The following RBM26 variants were observed in gnomAD, a reference collection of about 807,000 sequenced individuals.
RBM26 encodes the protein RNA binding motif protein 26.
Under a neutral mutation model 123.6 loss-of-function variants are expected in RBM26, and 30 were observed. The ratio of observed to expected loss-of-function variants is 0.24; its 90% CI spans 0.18 to 0.33. The LOEUF is 0.33. RBM26 is among the 10% of genes least tolerant of loss of function. RBM26 has a pLI of 1.00. For missense variants in RBM26, 947 were observed against 1,203.6 expected (o/e 0.79, Z 3.15); for synonymous variants, 400 against 404.4 (o/e 0.99, Z 0.13).
At chr13:79,363,249 C>T (rs1406103124) in intron 9 of RBM26, among the ~76,000 whole-genome samples, 2 of 151,926 alleles carry the variant, frequency 1.3e-5, no homozygotes, top group African/African-American at 4.8e-5. Flanking sequence ...AAGTCTATGA[C>T]AAATTTAAAT....
At position 79,371,406 on chromosome 13, in the gene RBM26, T is replaced by TA. The variant is rs777031998; in HGVS notation, c.417-245dup. Among the ~76,000 whole-genome samples, 3 of 152,198 alleles carry TA rather than the reference T, an allele frequency of 2.0e-5. No individual in the cohort carries two copies. The East Asian group carries it at 5.8e-4, about 29-fold the overall frequency. On this transcript the variant is annotated intron_variant, in intron 4 of 21. Transcript: ENST00000438737. ...AACTATACAATTAGGCATCTGTAGA[T>TA]AAAGGCATCTGTATATAAGACTTAG...
chr13:79,391,922 C>T (rs1353646338), intron 1 of RBM26, among the ~76,000 whole-genome samples: 4 of 146,180 alleles, frequency 2.7e-5, no homozygotes, highest in African/African-American at 1.0e-4. Flanking sequence ...ATATATAATA[C>T]GTAACACTAT....
At chr13:79,392,460 G>A (rs979608144) in intron 1 of RBM26, among the ~76,000 whole-genome samples, 3 of 145,142 alleles carry the variant, frequency 2.1e-5, no homozygotes, top group Non-Finnish European at 4.5e-5. Context: ...TAAGTATTAT[G>A]TACTATATAT....
intron 3 of RBM26, among the ~76,000 whole-genome samples, chr13:79,375,076 TG>T (rs1344952199): frequency 1.3e-4 from 13 of 102,000 alleles, no homozygotes; most frequent in African/African-American, 3.0e-4. Flanking sequence ...TATATTTATA[TG>T]ATATATATAA....
At chr13:79,404,572 G>A (rs1319149503) in intron 1 of RBM26, among the ~76,000 whole-genome samples, 1 of 152,100 alleles carries the variant, frequency 6.6e-6, no homozygotes, top group African/African-American at 2.4e-5. Context: ...CTCATCACAA[G>A]GCTCTTTCCA....
intron 1 of RBM26, among the ~76,000 whole-genome samples, chr13:79,388,301 G>A (rs2077656684): frequency 6.6e-6 from 1 of 152,182 alleles, no homozygotes; most frequent in African/African-American, 2.4e-5. Context: ...TCACCATGGT[G>A]GCCAGGCTGG....
At chr13:79,370,411 T>C (rs2075761688) in intron 5 of RBM26, among the ~76,000 whole-genome samples, 1 of 152,214 alleles carries the variant, frequency 6.6e-6, no homozygotes, top group African/African-American at 2.4e-5. Context: ...ATCCATTTTG[T>C]TGCATGTATC....
At chr13:79,368,558 T>A (rs1041272283) in intron 6 of RBM26, among the ~76,000 whole-genome samples, 172 bp downstream of exon 6, 2 of 152,206 alleles carry the variant, frequency 1.3e-5, no homozygotes, top group African/African-American at 4.8e-5. Context: ...GATAATCAAA[T>A]TAGTGGCAAC....
intron 14 of RBM26, among the ~76,000 whole-genome samples, chr13:79,351,643 A>G (rs898201196): frequency 1.3e-5 from 2 of 152,088 alleles, no homozygotes; most frequent in Non-Finnish European, 2.9e-5. Flanking sequence ...ACCACCAAAA[A>G]AATAAAATAA....
intron 14 of RBM26, among the ~76,000 whole-genome samples, chr13:79,345,704 A>G (rs2072209983): frequency 6.6e-6 from 1 of 152,126 alleles, no homozygotes; most frequent in Non-Finnish European, 1.5e-5. Flanking sequence ...CCAAGAGGGC[A>G]GAGATTTTGC....
chr13:79,403,656 C>T (rs1189298913), intron 1 of RBM26, among the ~76,000 whole-genome samples: 2 of 152,148 alleles, frequency 1.3e-5, no homozygotes, highest in Non-Finnish European at 2.9e-5. Context: ...AATGGAAGCC[C>T]TGAGTTAAGT....
intron 14 of RBM26, among the ~76,000 whole-genome samples, chr13:79,351,601 CGG>C (rs1491484051): frequency 0.016 from 51 of 3,262 alleles, 1 homozygote; most frequent in South Asian, 0.033. Flanking sequence ...TTAGTTGGGG[CGG>C]CGGGGGGGGA....
chr13:79,374,913 C>A (rs972147214), intron 3 of RBM26, among the ~76,000 whole-genome samples: 1 of 151,194 alleles, frequency 6.6e-6, no homozygotes, highest in Non-Finnish European at 1.5e-5. Flanking sequence ...GATAATAAGA[C>A]TAAGGCTTTG....
In RBM26 at chr13:79,365,004, C is replaced by A. The variant is rs75879012; in HGVS notation, c.1417+574G>T. Among the ~76,000 whole-genome samples the A allele has an allele frequency of 6.4e-3, 966 of 151,760 alleles. 11 individuals are homozygous for A. The highest frequency in any genetic ancestry group is 0.021 in the African/African-American group (855 of 41,414). On this transcript the variant is annotated intron_variant, in intron 9 of 21. Transcript: ENST00000438737. ...AATTACTAAAAAAAAAAAGGCTACC[C>A]AAGAAAATGTGCTTCTTTAAGGAAA...
rs770685812 is a variant in RBM26 at position 79,365,568 on chromosome 13, A to G, written c.1417+10T>C. ...TGAAAATGACAGGAAGGAAAGATTA[A>G]TTATAGTACCTCTGGGTGGCAAATC... On this transcript the variant is annotated intron_variant, in intron 9 of 21. Coordinates refer to ENST00000438737, the MANE Select transcript of RBM26 (RefSeq NM_001366735.2). 15 of 1,605,394 alleles carry G rather than the reference A, an allele frequency of 9.3e-6. No homozygotes were observed. Among genetic ancestry groups the G allele is most frequent in the Non-Finnish European group, 1.1e-5 (13 of 1,174,826 alleles).
chr13:79,359,736 T>G, intron 9 of RBM26, 50 bp from the exon 10 acceptor site: 1 of 996,252 alleles, frequency 1.0e-6, no homozygotes, highest in Non-Finnish European at 1.4e-6. Context: ...GTTAATATTT[T>G]CTATTTATCA....
chr13:79,406,238 G>A lies in RBM26; in HGVS notation c.-464C>T, dbSNP rs2765081. On this transcript the variant is annotated 5_prime_UTR_variant, in exon 1 of 22. Transcript: ENST00000438737. ...AGCACCCCCAAGAAGATGGCTGCCGGTAAATCTCGCGAGAATTGATGAAGT... is the reference window on the plus strand; with the variant it reads ...AGCACCCCCAAGAAGATGGCTGCCGATAAATCTCGCGAGAATTGATGAAGT... 150,772 of 152,772 alleles carry A rather than the reference G, an allele frequency of 0.99. 74,440 individuals are homozygous for A. Among genetic ancestry groups the A allele is most frequent in the East Asian group, 1 (5,160 of 5,160 alleles). The allele number at this position is 152,772 out of a possible 1,614,324, so 9.5% of individuals were successfully genotyped here.
At chr13:79,371,398 T>A (rs1465232219) in intron 4 of RBM26, among the ~76,000 whole-genome samples, 2 of 152,206 alleles carry the variant, frequency 1.3e-5, no homozygotes, top group Non-Finnish European at 2.9e-5. Context: ...CAATTAGGCA[T>A]CTGTAGATAA....
At chr13:79,394,164 G>A (rs910121769) in intron 1 of RBM26, among the ~76,000 whole-genome samples, 2 of 152,186 alleles carry the variant, frequency 1.3e-5, no homozygotes, top group Non-Finnish European at 2.9e-5. Context: ...GGCACATTGT[G>A]GGGACAAACA....
Sources: allele counts gnomAD v4.1 joint callset (sites outside exome capture counted in the v4.1 genomes callset), GRCh38; gene constraint gnomAD v4.1.1; transcripts MANE v1.5; gene names NCBI Gene and HGNC (gene_info 2026-07-23, HGNC 2026-07-21).